TEX15: variants seen among roughly 807,000 people sequenced by gnomAD.
TEX15 encodes testis-expressed protein 15.
TEX15 carries 171 observed loss-of-function variants against 237.3 expected under a neutral mutation model. That is an observed-to-expected ratio of 0.72 (90% confidence interval 0.64 to 0.82). TEX15 has a LOEUF of 0.82. Among genes scored for constraint, TEX15 ranks in the 40% least tolerant of loss-of-function variants. The pLI is 0.00. For missense variants in TEX15, 3,750 were observed against 3,646.5 expected (o/e 1.03, Z -0.73); for synonymous variants, 1,338 against 1,269.8 (o/e 1.05, Z -1.14).
rs767356558 is a variant in TEX15 at position 30,842,638 on chromosome 8, A to G, written c.7529T>C (p.Val2510Ala). ...DNSTDVCLWK[V>A]IETAVSELKK... Reference sequence around the variant, plus strand: ...AAGTTCGGAAACAGCAGTCTCTATCACTTTCCAAAGGCAAACATCTGTTGA... The same window carrying G: ...AAGTTCGGAAACAGCAGTCTCTATCGCTTTCCAAAGGCAAACATCTGTTGA... Residue 2510 changes from valine to alanine, a missense_variant, in exon 8 of 11, where the codon GTG becomes GCG. Val to Ala is a moderately conservative substitution (Grantham distance 64). Coordinates refer to ENST00000643185, the MANE Select transcript of TEX15 (RefSeq NM_001350162.2). 4.3e-6 allele frequency: 7 copies of G among 1,611,972 alleles called. No individual in the cohort carries two copies.
chr8:30,840,918 T>C (rs1344637244), intron 8 of TEX15, among the ~76,000 whole-genome samples: 1 of 152,116 alleles, frequency 6.6e-6, no homozygotes, highest in African/African-American at 2.4e-5. Flanking sequence ...TTAAAAATTA[T>C]ATATATAAAT....
chr8:30,895,249 G>A (rs534015320), intron 2 of TEX15, among the ~76,000 whole-genome samples: 1 of 128,898 alleles, frequency 7.8e-6, no homozygotes, highest in African/African-American at 3.0e-5. Context: ...AGTGAGCCAC[G>A]ATTGCACCAC....
At chr8:30,853,727 G>A (rs910816583) in intron 7 of TEX15, among the ~76,000 whole-genome samples, 7 of 152,070 alleles carry the variant, frequency 4.6e-5, no homozygotes, top group African/African-American at 1.7e-4. Flanking sequence ...CTTTTCAGTT[G>A]CACATGGATC....
chr8:30,836,216 T>TTG lies in TEX15; in HGVS notation c.9481+586_9481+587insCA, dbSNP rs1461778710. Among the ~76,000 whole-genome samples the TTG allele has an allele frequency of 2.7e-3, 345 of 127,668 alleles. 4 individuals are homozygous for TTG. Among genetic ancestry groups the TTG allele is most frequent in the Non-Finnish European group, 4.7e-3 (288 of 61,378 alleles). The allele number at this position is 127,668 out of a possible 152,430, so 83.8% of individuals were successfully genotyped here. ...CATTTCACTGTATCGTTTTTTTTTT[T>TTG]TTTTTTTTTTTTTTTTGAGGTCGAG... On this transcript the variant is annotated intron_variant, in intron 10 of 10. Transcript: ENST00000643185.
intron 3 of TEX15, among the ~76,000 whole-genome samples, chr8:30,880,496 C>A (rs1234282030): frequency 1.3e-5 from 2 of 152,168 alleles, no homozygotes; most frequent in African/African-American, 4.8e-5. Flanking sequence ...GCATGACCAA[C>A]CCCTCCTCTT....
At chr8:30,884,700 G>A (rs12680604) in intron 3 of TEX15, among the ~76,000 whole-genome samples, 9,301 of 152,120 alleles carry the variant, frequency 0.061, 526 homozygotes, top group Admixed American at 0.19. Flanking sequence ...TCTGATATCA[G>A]TAATCTGTGC....
At position 30,843,395 on chromosome 8, in the gene TEX15, C is replaced by T. The variant is rs1563233451; in HGVS notation, c.6772G>A (p.Val2258Ile). ...CCATAAAGAGATATTTTAACACGTA[C>T]TGCCTCGTTGTTCTTAATAAAATTA... Reference protein sequence around the residue: ...KVNFIKNNEAVRVKISLYGLE... With the variant: ...KVNFIKNNEAIRVKISLYGLE... The change falls in exon 8 of 11, where the codon GTA becomes ATA. Residue 2258 changes from valine (V) to isoleucine (I), a missense_variant. Transcript: ENST00000643185. The T allele has an allele frequency of 1.9e-6, 3 of 1,612,972 alleles. No individual in the cohort carries two copies. The highest frequency in any genetic ancestry group is 1.7e-5 in the Admixed American group (1 of 59,996).
chr8:30,860,808 C>T (rs1017707148), intron 5 of TEX15, among the ~76,000 whole-genome samples: 3 of 151,852 alleles, frequency 2.0e-5, no homozygotes, highest in East Asian at 1.9e-4. Flanking sequence ...CCTCGGCTTC[C>T]GAAAAGCGTT....
At chr8:30,862,166 C>G (rs1054892905) in intron 5 of TEX15, among the ~76,000 whole-genome samples, 4 of 151,910 alleles carry the variant, frequency 2.6e-5, no homozygotes, top group Admixed American at 6.6e-5. Flanking sequence ...AGGAATAAAC[C>G]AATTAATTCT....
Position 30,868,719 on chromosome 8 carries a change from G to A in TEX15, c.303-1217C>T, listed in dbSNP as rs115767519. Among the ~76,000 whole-genome samples, 502 of 151,920 alleles carry A rather than the reference G, an allele frequency of 3.3e-3. 1 individual carries two copies. The highest frequency in any genetic ancestry group is 0.012 in the African/African-American group (480 of 41,470). Reference sequence around the variant, plus strand: ...TGATTTCAACTTGACATCAGATTCCGTGAACCACTAAGATCACTGTCTAAG... The same window carrying A: ...TGATTTCAACTTGACATCAGATTCCATGAACCACTAAGATCACTGTCTAAG... On this transcript the variant is annotated intron_variant, in intron 4 of 10. Transcript: ENST00000643185.
At chr8:30,911,364 C>A (rs1294264181) in intron 1 of TEX15, among the ~76,000 whole-genome samples, 1 of 152,164 alleles carries the variant, frequency 6.6e-6, no homozygotes, top group Non-Finnish European at 1.5e-5. Flanking sequence ...GTTGCCCAGG[C>A]TGGTTTCGAA....
At chr8:30,889,203 T>C (rs1433019781) in intron 2 of TEX15, among the ~76,000 whole-genome samples, 2 of 152,108 alleles carry the variant, frequency 1.3e-5, no homozygotes, top group African/African-American at 4.8e-5. Flanking sequence ...AAGTTACATA[T>C]TCAGTTTGGG....
rs556866592 is a variant in TEX15 at position 30,879,127 on chromosome 8, CTTTT to C, written c.137-4029_137-4026del. 4.8e-5 allele frequency among the ~76,000 whole-genome samples: 7 copies of C among 145,978 alleles called. No individual in the cohort carries two copies. The South Asian group carries it at 6.4e-4, about 13-fold the overall frequency. The stretch of plus-strand genomic sequence containing the variant: ...TTTTCTTGTTTTCTAACTGGATTGC[CTTTT>C]TTTTTTTACCTACTGAACTTTGAAA... On this transcript the variant is annotated intron_variant, in intron 3 of 10. Transcript: ENST00000643185.
intron 4 of TEX15, among the ~76,000 whole-genome samples, chr8:30,869,731 GT>G (rs1212147950): frequency 6.6e-6 from 1 of 151,916 alleles, no homozygotes; most frequent in Non-Finnish European, 1.5e-5. Flanking sequence ...CTCCTTGTGA[GT>G]CTACTTGCAA....
intron 4 of TEX15, among the ~76,000 whole-genome samples, chr8:30,868,869 T>C (rs189363043): frequency 1.9e-3 from 288 of 151,318 alleles, no homozygotes; most frequent in Non-Finnish European, 3.3e-3. Flanking sequence ...TAAATTCTTT[T>C]TTTTTTTTTT....
At chr8:30,892,255 T>C (rs1433010100) in intron 2 of TEX15, among the ~76,000 whole-genome samples, 1 of 152,224 alleles carries the variant, frequency 6.6e-6, no homozygotes, top group Admixed American at 6.5e-5. Flanking sequence ...ACCTTTCTTA[T>C]TCCTATTTAT....
chr8:30,878,814 T>C (rs1270526622), intron 3 of TEX15, among the ~76,000 whole-genome samples: 1 of 152,226 alleles, frequency 6.6e-6, no homozygotes, highest in African/African-American at 2.4e-5. Flanking sequence ...CACATGCCAC[T>C]GGGCATGGCT....
chr8:30,849,436 T>A, intron 7 of TEX15, 120 bp from the exon 8 acceptor site: 1 of 548,456 alleles, frequency 1.8e-6, no homozygotes, highest in East Asian at 3.0e-5. Flanking sequence ...TAATGATGAT[T>A]AAAATGTGTT....
intron 4 of TEX15, among the ~76,000 whole-genome samples, chr8:30,868,718 C>T (rs890760502): frequency 2.6e-5 from 4 of 151,862 alleles, no homozygotes; most frequent in African/African-American, 4.8e-5. Flanking sequence ...CATCAGATTC[C>T]GTGAACCACT....
Sources: allele counts gnomAD v4.1 joint callset (sites outside exome capture counted in the v4.1 genomes callset), GRCh38; gene constraint gnomAD v4.1.1; transcripts MANE v1.5; gene names NCBI Gene and HGNC (gene_info 2026-07-23, HGNC 2026-07-21).